The following DHRS7B variants were observed in gnomAD, a reference collection of about 807,000 sequenced individuals.
DHRS7B encodes the protein peroxisomal reductase activating PPAR-gamma.
Under a neutral mutation model 26.4 loss-of-function variants are expected in DHRS7B, and 24 were observed. That is an observed-to-expected ratio of 0.91 (90% CI 0.66 to 1.28). The LOEUF (loss-of-function observed/expected upper bound fraction) is 1.28, where lower values mean the gene tolerates loss of function less well. DHRS7B is among the 50% of genes most tolerant of loss of function. DHRS7B has a pLI of 0.00. For missense variants in DHRS7B, 368 were observed against 419.4 expected, an observed-to-expected ratio of 0.88 and a Z score of 1.07; for synonymous variants, 142 against 166.4, an observed-to-expected ratio of 0.85 and a Z score of 1.13.
intron 5 of DHRS7B, among the ~76,000 whole-genome samples, chr17:21,186,578 A>G (rs1422594825): frequency 6.6e-6 from 1 of 152,230 alleles, no homozygotes; most frequent in Admixed American, 6.5e-5. Context: ...GAACTGCCTC[A>G]TGTGACTTGC....
At chr17:21,169,155 T>C (rs1974179921) in intron 1 of DHRS7B, among the ~76,000 whole-genome samples, 1 of 152,254 alleles carries the variant, frequency 6.6e-6, no homozygotes, top group Non-Finnish European at 1.5e-5. Flanking sequence ...GCCTGACTTC[T>C]GCCAATGTTG....
intron 1 of DHRS7B, among the ~76,000 whole-genome samples, chr17:21,141,334 A>AG (rs1973504544): frequency 6.6e-6 from 1 of 152,162 alleles, no homozygotes; most frequent in Middle Eastern, 3.2e-3. Flanking sequence ...AAATGCACAC[A>AG]GAAAAACTGA....
chr17:21,185,531 A>T (rs1330912293), intron 5 of DHRS7B, among the ~76,000 whole-genome samples: 4 of 152,196 alleles, frequency 2.6e-5, no homozygotes, highest in Non-Finnish European at 5.9e-5. Flanking sequence ...ATGCTTGTAC[A>T]TGCATGATTT....
chr17:21,134,601 G>A (rs775909355), intron 1 of DHRS7B, among the ~76,000 whole-genome samples: 1 of 152,248 alleles, frequency 6.6e-6, no homozygotes, highest in Non-Finnish European at 1.5e-5. Context: ...CTCCATTCCA[G>A]TCAAAGCCTT....
intron 1 of DHRS7B, among the ~76,000 whole-genome samples, chr17:21,140,522 A>ACG (rs1422961580): frequency 4.0e-5 from 6 of 150,154 alleles, no homozygotes; most frequent in Non-Finnish European, 8.9e-5. Context: ...ACACACACAC[A>ACG]CACACACACA....
In DHRS7B at chr17:21,140,722, T is replaced by C. The variant is rs112126932; in HGVS notation, c.20+13731T>C. Among the ~76,000 whole-genome samples, 975 of 152,176 alleles carry C rather than the reference T, an allele frequency of 6.4e-3. 11 individuals are homozygous for C. Among genetic ancestry groups the C allele is most frequent in the African/African-American group, 0.022 (931 of 41,502 alleles). On this transcript the variant is annotated intron_variant, in intron 1 of 6. Coordinates refer to ENST00000395511, the MANE Select transcript of DHRS7B (RefSeq NM_015510.5). ...AAAAGAGTACTTAGGAACTCTGTAG[T>C]TTGCAGGTCAACCTTAGGCCTCCTT...
At chr17:21,138,101 T>TATATATACACACACAC (rs1555536219) in intron 1 of DHRS7B, among the ~76,000 whole-genome samples, 2 of 86,110 alleles carry the variant, frequency 2.3e-5, no homozygotes, top group South Asian at 4.8e-4. Flanking sequence ...TATATATATA[T>TATATATACACACACAC]ACACACACAC....
At chr17:21,178,444 T>A (rs1597755068) in intron 3 of DHRS7B, 102 bp downstream of exon 3, 3 of 930,230 alleles carry the variant, frequency 3.2e-6, no homozygotes. Flanking sequence ...CTGTAGGACA[T>A]CCATGCGTCA....
At chr17:21,156,960 A>G (rs1973896265) in intron 1 of DHRS7B, among the ~76,000 whole-genome samples, 1 of 151,820 alleles carries the variant, frequency 6.6e-6, no homozygotes, top group African/African-American at 2.4e-5. Flanking sequence ...CCATTTCTTG[A>G]TAACCTAGAT....
chr17:21,180,966 C>T (rs548081986), intron 3 of DHRS7B, among the ~76,000 whole-genome samples: 39 of 152,332 alleles, frequency 2.6e-4, no homozygotes, highest in South Asian at 1.9e-3. Context: ...CTTACATCTT[C>T]TTTAATTTCT....
chr17:21,162,482 T>G lies in DHRS7B; in HGVS notation c.21-9536T>G, dbSNP rs191403558. On this transcript the variant is annotated intron_variant, in intron 1 of 6. Transcript: ENST00000395511. ...ATTAGATTATTTCCATGATACAATC[T>G]TATTCAACAAACATTTATGAAGTTC... Among the ~76,000 whole-genome samples the G allele has an allele frequency of 1.7e-3, 266 of 152,330 alleles. 2 individuals are homozygous for G. The highest frequency in any genetic ancestry group is 6.1e-3 in the African/African-American group (253 of 41,572).
chr17:21,191,109 A>G lies in DHRS7B; in HGVS notation c.934A>G (p.Met312Val), dbSNP rs1452295600. The G allele has an allele frequency of 6.2e-7, 1 of 1,614,052 alleles. No homozygotes were observed. Among genetic ancestry groups the G allele is most frequent in the Non-Finnish European group, 8.5e-7 (1 of 1,180,046 alleles). Residue 312 changes from methionine (M) to valine (V), a missense_variant, in exon 7 of 7, where the codon ATG becomes GTG. Physicochemically the swap from Met to Val is conservative, Grantham distance 21. Coordinates refer to ENST00000395511, the MANE Select transcript of DHRS7B (RefSeq NM_015510.5). The stretch of plus-strand genomic sequence containing the variant: ...GGCTCCTGGGCTCTTCTTCAGCCTC[A>G]TGGCCTCCAGGGCCAGAAAAGAGCG... Reference protein sequence around the residue: ...TLAPGLFFSLMASRARKERKS... With the variant: ...TLAPGLFFSLVASRARKERKS...
intron 3 of DHRS7B, among the ~76,000 whole-genome samples, chr17:21,182,185 T>C (rs1974527789): frequency 6.6e-6 from 1 of 152,210 alleles, no homozygotes; most frequent in African/African-American, 2.4e-5. Context: ...TCAATTGAGA[T>C]GATCAAGTGG....
chr17:21,138,276 G>A (rs1325878474), intron 1 of DHRS7B, among the ~76,000 whole-genome samples: 1 of 133,018 alleles, frequency 7.5e-6, no homozygotes, highest in Non-Finnish European at 1.5e-5. Flanking sequence ...GAGTGCAGTG[G>A]CGCGATCTTG....
intron 1 of DHRS7B, chr17:21,168,851 G>A: frequency 1.0e-6 from 1 of 985,494 alleles, no homozygotes. Flanking sequence ...GGCCTGTGAT[G>A]TTGTGTCAGG....
chr17:21,154,741 C>T (rs903475878), intron 1 of DHRS7B, among the ~76,000 whole-genome samples: 5 of 152,048 alleles, frequency 3.3e-5, no homozygotes, highest in Non-Finnish European at 4.4e-5. Flanking sequence ...TATACCAATA[C>T]ATTATGTATA....
intron 1 of DHRS7B, among the ~76,000 whole-genome samples, chr17:21,143,574 T>C (rs1440194819): frequency 1.3e-5 from 2 of 152,216 alleles, no homozygotes; most frequent in African/African-American, 2.4e-5. Flanking sequence ...TTGTAATATA[T>C]AAAAAGCACC....
intron 1 of DHRS7B, among the ~76,000 whole-genome samples, chr17:21,149,843 CA>C (rs1159336391): frequency 1.3e-5 from 2 of 151,688 alleles, no homozygotes; most frequent in East Asian, 3.9e-4. Flanking sequence ...AAAGGAAGAC[CA>C]GAAGAAAGGA....
At chr17:21,147,633 C>T (rs1194850957) in intron 1 of DHRS7B, among the ~76,000 whole-genome samples, 1 of 152,132 alleles carries the variant, frequency 6.6e-6, no homozygotes, top group Non-Finnish European at 1.5e-5. Flanking sequence ...CATTTTTGCA[C>T]TGGAAAAAGT....
Sources: allele counts gnomAD v4.1 joint callset (sites outside exome capture counted in the v4.1 genomes callset), GRCh38; gene constraint gnomAD v4.1.1; transcripts MANE v1.5; gene names NCBI Gene and HGNC (gene_info 2026-07-23, HGNC 2026-07-21).